The following LYRM4 variants were observed in gnomAD, a reference collection of about 807,000 sequenced individuals.
LYRM4 encodes LYR motif-containing protein 4.
LYRM4 carries 9 observed loss-of-function variants against 11.7 expected under a neutral mutation model. The observed-to-expected ratio is 0.77, with a 90% CI of 0.46 to 1.34. The LOEUF (loss-of-function observed/expected upper bound fraction) is 1.34, where lower values mean the gene tolerates loss of function less well. LYRM4 is among the 40% of genes most tolerant of loss of function. The pLI, the probability that LYRM4 is intolerant of heterozygous loss-of-function variation, is 0.00. For missense variants in LYRM4, 133 were observed against 112.5 expected, an observed-to-expected ratio of 1.18 and a Z score of -0.82; for synonymous variants, 42 against 40.4, an observed-to-expected ratio of 1.04 and a Z score of -0.15.
At chr6:5,054,027 GA>G in the LYRM4 span, 1 of 597,982 alleles carries the variant, frequency 1.7e-6, no homozygotes, top group Non-Finnish European at 2.1e-6. Flanking sequence ...AAATGATTAA[GA>G]TGGCTATTTA....
At chr6:5,071,188 CA>C in the LYRM4 span, among the ~76,000 whole-genome samples, 138,714 of 146,930 alleles carry the variant, frequency 0.94, 65,633 homozygotes, top group South Asian at 0.99. Flanking sequence ...GACTCTGTCT[CA>C]AAAAAAAAAA....
chr6:5,085,635 T>A, the LYRM4 span: 1 of 1,548,632 alleles, frequency 6.5e-7, no homozygotes, highest in Non-Finnish European at 8.7e-7. Context: ...CCCCGAGTCC[T>A]GACGCTCAGC....
intron 1 of LYRM4, among the ~76,000 whole-genome samples, chr6:5,249,726 A>G (rs772969581): frequency 6.6e-6 from 1 of 152,214 alleles, no homozygotes; most frequent in Non-Finnish European, 1.5e-5. Context: ...AGCTTGGTTC[A>G]TGTAACTTAC....
intron 2 of LYRM4, among the ~76,000 whole-genome samples, chr6:5,155,830 T>A (rs996371624): frequency 3.3e-5 from 5 of 152,226 alleles, no homozygotes; most frequent in African/African-American, 1.2e-4. Flanking sequence ...AGGTCTCTGG[T>A]ATGTTACACC....
intron 2 of LYRM4, among the ~76,000 whole-genome samples, chr6:5,144,762 T>C (rs1440835098): frequency 6.6e-6 from 1 of 151,450 alleles, no homozygotes; most frequent in Admixed American, 6.6e-5. Context: ...AGGAGCTGCA[T>C]GTGTCTGGGA....
chr6:5,073,392 A>T, the LYRM4 span, among the ~76,000 whole-genome samples: 3 of 151,024 alleles, frequency 2.0e-5, no homozygotes, highest in Non-Finnish European at 4.4e-5. Flanking sequence ...TTTTATATAT[A>T]TTGGCATCAA....
chr6:5,127,045 G>A lies in LYRM4; in HGVS notation c.208-17554C>T, dbSNP rs548159799. ...GCTCACTGCAACCTCCGCCTTCCGGGTTCAAGCAATTCTCCTGTCTCAACA... is the reference window on the plus strand; with the variant it reads ...GCTCACTGCAACCTCCGCCTTCCGGATTCAAGCAATTCTCCTGTCTCAACA... On this transcript the variant is annotated intron_variant, in intron 2 of 2. Transcript: ENST00000330636. Among the ~76,000 whole-genome samples the A allele has an allele frequency of 7.2e-5, 11 of 152,318 alleles. No individual in the cohort carries two copies. The South Asian group carries it at 1.9e-3, about 26-fold the overall frequency.
chr6:5,127,231 T>C (rs892202979), intron 2 of LYRM4, among the ~76,000 whole-genome samples: 26 of 152,204 alleles, frequency 1.7e-4, no homozygotes, highest in Non-Finnish European at 3.4e-4. Flanking sequence ...ATTACAGGCA[T>C]GTGCCACCGT....
chr6:5,074,376 A>G, the LYRM4 span, among the ~76,000 whole-genome samples: 2 of 145,264 alleles, frequency 1.4e-5, no homozygotes, highest in South Asian at 2.3e-4. Context: ...TGATAATGAG[A>G]TGGGGAGAGA....
intron 2 of LYRM4, among the ~76,000 whole-genome samples, chr6:5,157,255 G>A (rs556197335): frequency 4.6e-5 from 7 of 152,276 alleles, no homozygotes; most frequent in African/African-American, 1.4e-4. Flanking sequence ...ACCATTTAAT[G>A]CCTACATTTT....
intron 2 of LYRM4, chr6:5,113,518 G>A (rs970372547): frequency 3.4e-6 from 1 of 291,290 alleles, no homozygotes; most frequent in African/African-American, 2.3e-5. Context: ...GTGCTGCCCT[G>A]AAGGGGGACC....
At chr6:5,184,197 G>A (rs1760244575) in intron 2 of LYRM4, among the ~76,000 whole-genome samples, 1 of 151,842 alleles carries the variant, frequency 6.6e-6, no homozygotes, top group Non-Finnish European at 1.5e-5. Context: ...TATTCTTAAC[G>A]ATAATGATCC....
chr6:5,051,447 G>A, the LYRM4 span, among the ~76,000 whole-genome samples: 25 of 152,216 alleles, frequency 1.6e-4, 1 homozygote, highest in Non-Finnish European at 2.5e-4. Context: ...CCCATACACC[G>A]AATCCCTGGG....
At position 5,187,720 on chromosome 6, in the gene LYRM4, T is replaced by C. The variant is rs1454817906; in HGVS notation, c.207+28898A>G. ...TATACCTATGTATCAAACCTGCACG[T>C]TGTGCACATGTACCCTAGAACTTAA... is the stretch of plus-strand genomic sequence containing the variant. On this transcript the variant is annotated intron_variant, in intron 2 of 2. Coordinates refer to ENST00000330636, the MANE Select transcript of LYRM4 (RefSeq NM_020408.6). 3.9e-5 allele frequency among the ~76,000 whole-genome samples: 6 copies of C among 152,126 alleles called. No individual in the cohort carries two copies. The East Asian group carries it at 1.2e-3, about 29-fold the overall frequency.
At chr6:5,170,351 TTGTG>T (rs1432942107) in intron 2 of LYRM4, among the ~76,000 whole-genome samples, 8 of 151,838 alleles carry the variant, frequency 5.3e-5, no homozygotes, top group Non-Finnish European at 1.2e-4. Flanking sequence ...CTTAGTGGAA[TTGTG>T]TGTGTATGTG....
At chr6:5,250,559 C>T (rs1764380500) in intron 1 of LYRM4, among the ~76,000 whole-genome samples, 1 of 152,124 alleles carries the variant, frequency 6.6e-6, no homozygotes, top group Non-Finnish European at 1.5e-5. Context: ...GCATATTTAA[C>T]AATAATGAAT....
chr6:5,053,489 A>G, the LYRM4 span, among the ~76,000 whole-genome samples: 2 of 151,940 alleles, frequency 1.3e-5, no homozygotes, highest in African/African-American at 4.8e-5. Flanking sequence ...AAAACTGGTG[A>G]GGTGGCTTGC....
chr6:5,202,853 TC>T (rs1761467925), intron 2 of LYRM4, among the ~76,000 whole-genome samples: 1 of 152,206 alleles, frequency 6.6e-6, no homozygotes, highest in South Asian at 2.1e-4. Flanking sequence ...ATGAAGGAAT[TC>T]AAGTTTGTGG....
intron 1 of LYRM4, among the ~76,000 whole-genome samples, chr6:5,221,361 G>A (rs1477651192): frequency 1.3e-5 from 2 of 152,180 alleles, no homozygotes; most frequent in Non-Finnish European, 2.9e-5. Flanking sequence ...TTTTGCACTT[G>A]TCAACTAAAA....
Sources: allele counts gnomAD v4.1 joint callset (sites outside exome capture counted in the v4.1 genomes callset), GRCh38; gene constraint gnomAD v4.1.1; transcripts MANE v1.5; gene names NCBI Gene and HGNC (gene_info 2026-07-23, HGNC 2026-07-21).